SH3RF2: variants seen among roughly 807,000 people sequenced by gnomAD.
The protein encoded by SH3RF2 is SH3 domain containing ring finger 2, also known as E3 ubiquitin-protein ligase SH3RF2.
A neutral mutation model predicts 59.0 loss-of-function variants in SH3RF2; 43 were observed. That is an observed-to-expected ratio of 0.73 (90% CI 0.57 to 0.94). The LOEUF is 0.94. SH3RF2 is among the 40% of genes least tolerant of loss of function. The pLI is 0.00. For missense variants in SH3RF2, 930 were observed against 940.1 expected (o/e 0.99, Z 0.14); for synonymous variants, 391 against 391.5 (o/e 1.00, Z 0.01).
intron 5 of SH3RF2, among the ~76,000 whole-genome samples, chr5:146,023,426 C>T (rs1483805538): frequency 1.3e-5 from 2 of 152,126 alleles, no homozygotes; most frequent in South Asian, 4.1e-4. Flanking sequence ...CCAGGCTGGT[C>T]TCAAACTCCT....
At chr5:145,943,738 G>A (rs928494525) in intron 2 of SH3RF2, among the ~76,000 whole-genome samples, 1 of 150,828 alleles carries the variant, frequency 6.6e-6, no homozygotes, top group Non-Finnish European at 1.5e-5. Flanking sequence ...TCAGTTAAAG[G>A]TGTCTGGCCA....
intron 7 of SH3RF2, among the ~76,000 whole-genome samples, chr5:146,054,381 G>GA (rs1762597709): frequency 6.6e-6 from 1 of 151,710 alleles, no homozygotes; most frequent in African/African-American, 2.4e-5. Context: ...CTACTGCTGC[G>GA]AAAAAATTTG....
chr5:145,956,559 A>G (rs537437549), intron 2 of SH3RF2, among the ~76,000 whole-genome samples: 4 of 152,322 alleles, frequency 2.6e-5, no homozygotes, highest in Non-Finnish European at 5.9e-5. Context: ...TACAGGCATG[A>G]GACACTGCGC....
At chr5:145,986,448 A>G (rs1405934932) in intron 2 of SH3RF2, among the ~76,000 whole-genome samples, 1 of 152,152 alleles carries the variant, frequency 6.6e-6, no homozygotes, top group Admixed American at 6.5e-5. Context: ...GAAAAGCTCA[A>G]TCTGGAAAGG....
chr5:145,940,548 C>T (rs540209128), intron 2 of SH3RF2, among the ~76,000 whole-genome samples: 179 of 152,328 alleles, frequency 1.2e-3, no homozygotes, highest in African/African-American at 4.2e-3. Flanking sequence ...TCAAATCCTC[C>T]TGAGTTCCTT....
chr5:145,951,179 A>C (rs532151698), intron 2 of SH3RF2, among the ~76,000 whole-genome samples: 1 of 152,310 alleles, frequency 6.6e-6, no homozygotes, highest in African/African-American at 2.4e-5. Context: ...CTTTACCCGC[A>C]AAAGCTTATT....
chr5:146,021,507 G>T (rs1293822797), intron 5 of SH3RF2, among the ~76,000 whole-genome samples: 1 of 152,164 alleles, frequency 6.6e-6, no homozygotes, highest in African/African-American at 2.4e-5. Flanking sequence ...CAATTGCTCT[G>T]TCCCATATTA....
downstream of SH3RF2, chr5:146,063,359 T>A (rs562600232): frequency 6.6e-6 from 1 of 152,422 alleles, no homozygotes; most frequent in African/African-American, 2.4e-5. Flanking sequence ...CAAAGGATTA[T>A]CATACTTTAA....
At chr5:146,041,910 G>A (rs958126214) in intron 5 of SH3RF2, among the ~76,000 whole-genome samples, 1 of 152,084 alleles carries the variant, frequency 6.6e-6, no homozygotes, top group African/African-American at 2.4e-5. Context: ...TAGCCTGGGT[G>A]ACAAAGCAAG....
At chr5:146,035,907 G>A (rs764754195) in intron 5 of SH3RF2, among the ~76,000 whole-genome samples, 4 of 152,140 alleles carry the variant, frequency 2.6e-5, no homozygotes, top group Non-Finnish European at 5.9e-5. Context: ...GCCTCATCAC[G>A]GATCCCCCAG....
In SH3RF2 at chr5:146,040,268, T is replaced by C. The variant is rs142091337; in HGVS notation, c.1060-7504T>C. 1.4e-4 allele frequency among the ~76,000 whole-genome samples: 21 copies of C among 152,362 alleles called. No individual in the cohort carries two copies. In the East Asian group the frequency reaches 3.9e-3, roughly 28 times the overall value. On this transcript the variant is annotated intron_variant, in intron 5 of 9. Transcript: ENST00000359120. Reference sequence around the variant, plus strand: ...GTTTTACGGGTGGTATGTATGCAGGTATCTGTTATATTATTATTCTTTAAA... The same window carrying C: ...GTTTTACGGGTGGTATGTATGCAGGCATCTGTTATATTATTATTCTTTAAA...
intron 3 of SH3RF2, among the ~76,000 whole-genome samples, chr5:146,002,779 A>AT (rs1462807594): frequency 2.0e-5 from 3 of 152,184 alleles, no homozygotes; most frequent in Non-Finnish European, 4.4e-5. Flanking sequence ...CGTGAAACCT[A>AT]TTGTGAACTG....
At chr5:146,057,925 AGT>A (rs1762725046) in intron 8 of SH3RF2, among the ~76,000 whole-genome samples, 3 of 121,536 alleles carry the variant, frequency 2.5e-5, no homozygotes. Context: ...CTGGGCTGTT[AGT>A]GTCTCTCTCT....
At chr5:146,024,027 GT>G (rs1313991128) in intron 5 of SH3RF2, among the ~76,000 whole-genome samples, 1 of 152,166 alleles carries the variant, frequency 6.6e-6, no homozygotes, top group Non-Finnish European at 1.5e-5. Flanking sequence ...CGTTTGGGTT[GT>G]TTTTACTTTT....
chr5:145,958,614 G>T (rs11948492), intron 2 of SH3RF2, among the ~76,000 whole-genome samples: 2 of 152,086 alleles, frequency 1.3e-5, no homozygotes, highest in African/African-American at 4.8e-5. Flanking sequence ...CATCTGGTCC[G>T]ATATCTTCTT....
chr5:145,978,160 T>A (rs1479597913), intron 2 of SH3RF2, among the ~76,000 whole-genome samples: 1 of 152,192 alleles, frequency 6.6e-6, no homozygotes, highest in African/African-American at 2.4e-5. Context: ...CTGCAAAAAA[T>A]CATATTCCTG....
At chr5:145,963,291 A>G (rs1758709108) in intron 2 of SH3RF2, among the ~76,000 whole-genome samples, 1 of 141,668 alleles carries the variant, frequency 7.1e-6, no homozygotes, top group African/African-American at 3.0e-5. Flanking sequence ...TGGATGGATT[A>G]ATAACTATAC....
intron 5 of SH3RF2, among the ~76,000 whole-genome samples, chr5:146,021,173 T>C (rs1273162630): frequency 1.3e-5 from 2 of 151,922 alleles, no homozygotes; most frequent in Non-Finnish European, 2.9e-5. Flanking sequence ...CTTTGGATGG[T>C]TCTCAGGGCT....
intron 2 of SH3RF2, among the ~76,000 whole-genome samples, chr5:145,995,070 C>A (rs765512300): frequency 6.6e-5 from 10 of 151,906 alleles, no homozygotes; most frequent in Non-Finnish European, 1.3e-4. Flanking sequence ...CACCAAAAGT[C>A]TGGATGTGAA....
Sources: allele counts gnomAD v4.1 joint callset (sites outside exome capture counted in the v4.1 genomes callset), GRCh38; gene constraint gnomAD v4.1.1; transcripts MANE v1.5; gene names NCBI Gene and HGNC (gene_info 2026-07-23, HGNC 2026-07-21).